Variants in DNAH1 observed in about 807,000 individuals in gnomAD.
DNAH1 encodes the protein axonemal beta dynein heavy chain 1.
In DNAH1, 327 loss-of-function variants were observed where a neutral mutation model predicts 484.3. The ratio of observed to expected loss-of-function variants is 0.68; its 90% CI spans 0.62 to 0.74. DNAH1 has a LOEUF of 0.74. Among genes scored for constraint, DNAH1 ranks in the 30% least tolerant of loss-of-function variants. DNAH1 has a pLI of 0.00. For synonymous variants in DNAH1, 2,192 were observed against 2,191.9 expected (o/e 1.00, Z 0.00); for missense variants, 5,052 against 5,546.8 (o/e 0.91, Z 2.83).
chr3:52,326,292 C>T lies in DNAH1; in HGVS notation c.559C>T (p.Pro187Ser), dbSNP rs1463310882. 1 of 1,609,498 alleles carries T rather than the reference C, an allele frequency of 6.2e-7. No homozygotes were observed. The highest frequency in any genetic ancestry group is 2.2e-5 in the East Asian group (1 of 44,890). The stretch of plus-strand genomic sequence containing the variant: ...TTTCCAGGTGCTGCCAGGCCAGCAT[C>T]CTCGCAAGATTGAGATCGAGAGGTA... ...VPFQVLPGQH[P>S]RKIEIERRKQ... is the part of the protein sequence containing the mutation. Residue 187 changes from proline (P) to serine (S), a missense_variant, in exon 4 of 78, where the codon CCT becomes TCT. Transcript: ENST00000420323.
chr3:52,394,782 TCTC>T (rs1349380287), intron 67 of DNAH1, 121 bp downstream of exon 67: 59 of 1,479,918 alleles, frequency 4.0e-5, no homozygotes, highest in Non-Finnish European at 4.8e-5. Context: ...TGTGGCCACA[TCTC>T]CTCTGTGCCT....
rs777651027 is a variant in DNAH1 at position 52,350,503 on chromosome 3, T to C, written c.2647-5T>C. ...TGAAGTTCTCATTACCACCTGTCTG[T>C]GCAGGAGCGGATTGTGAAGGTCATG... On this transcript the variant is annotated splice_region_variant and splice_polypyrimidine_tract_variant and intron_variant, in intron 15 of 77. Coordinates refer to ENST00000420323, the MANE Select transcript of DNAH1 (RefSeq NM_015512.5). 1.5e-5 allele frequency: 25 copies of C among 1,613,730 alleles called. No individual in the cohort carries two copies. Among genetic ancestry groups the C allele is most frequent in the Non-Finnish European group, 2.1e-5 (25 of 1,179,746 alleles).
chr3:52,345,751 C>A, intron 10 of DNAH1, 45 bp downstream of exon 10: 1 of 1,572,750 alleles, frequency 6.4e-7, no homozygotes, highest in South Asian at 1.2e-5. Flanking sequence ...AGGGCAGACC[C>A]TTGGAACTGG....
At chr3:52,323,737 G>A (rs983702757) in intron 2 of DNAH1, 71 bp from the exon 3 acceptor site, 38 of 1,320,704 alleles carry the variant, frequency 2.9e-5, no homozygotes, top group Non-Finnish European at 3.8e-5. Flanking sequence ...GCCTGGGCTC[G>A]GGGTCCCTCC....
chr3:52,383,575 C>G lies in DNAH1; in HGVS notation c.8131C>G (p.His2711Asp). Residue 2711 changes from histidine (H) to aspartate (D), a missense_variant, in exon 51 of 78, where the codon CAC (histidine) becomes GAC (aspartate). This residue lies in a region of DNAH1 where 2,929 missense variants were observed against 3,409.4 expected (regional missense o/e 0.86). Coordinates refer to ENST00000420323, the MANE Select transcript of DNAH1 (RefSeq NM_015512.5). Reference sequence around the variant, plus strand: ...CACAGGGCGTGTGCGCAGCAACATCCACATGGTGCTGTGCATGAGGTACAG... The same window carrying G: ...CACAGGGCGTGTGCGCAGCAACATCGACATGGTGCTGTGCATGAGGTACAG... ...AYTGRVRSNI[H>D]MVLCMSPIGE... The G allele has an allele frequency of 6.3e-7, 1 of 1,596,190 alleles. No individual in the cohort carries two copies. The highest frequency in any genetic ancestry group is 2.3e-5 in the East Asian group (1 of 43,956).
At chr3:52,325,877 G>A (rs188304484) in intron 3 of DNAH1, among the ~76,000 whole-genome samples, 8 of 152,310 alleles carry the variant, frequency 5.3e-5, no homozygotes, top group Admixed American at 3.9e-4. Flanking sequence ...GTGTGGAAAG[G>A]AGTGGTCAAG....
At chr3:52,357,808 G>A in intron 23 of DNAH1, 73 bp downstream of exon 23, 1 of 1,575,758 alleles carries the variant, frequency 6.3e-7, no homozygotes, top group South Asian at 1.2e-5. Flanking sequence ...GCCCTGCTCA[G>A]GCTAGGGTGC....
Position 52,364,966 on chromosome 3 carries a change from T to A in DNAH1, c.5465T>A (p.Leu1822Gln). ...GAGGAGGACACGGACTACGGCATCC[T>A]GGATGAGGCCATCCGCGAGGCCTGC... ...IKEEDTDYGI[L>Q]DEAIREACRN... Residue 1822 changes from leucine to glutamine, a missense_variant, in exon 34 of 78, where the codon CTG becomes CAG. Physicochemically the swap from Leu to Gln is moderately radical, Grantham distance 113. This residue lies in a region of DNAH1 where 2,929 missense variants were observed against 3,409.4 expected (regional missense o/e 0.86). Coordinates refer to ENST00000420323, the MANE Select transcript of DNAH1 (RefSeq NM_015512.5). The surrounding 1 kb of genome is among the most constrained non-coding windows in gnomAD (Gnocchi z 4.2). 3 of 1,613,860 alleles carry A rather than the reference T, an allele frequency of 1.9e-6. No individual in the cohort carries two copies. The highest frequency in any genetic ancestry group is 1.1e-5 in the South Asian group (1 of 91,084).
chr3:52,326,295 C>G lies in DNAH1; in HGVS notation c.562C>G (p.Arg188Gly), dbSNP rs368210345. Reference sequence around the variant, plus strand: ...CCAGGTGCTGCCAGGCCAGCATCCTCGCAAGATTGAGATCGAGAGGTACGG... The same window carrying G: ...CCAGGTGCTGCCAGGCCAGCATCCTGGCAAGATTGAGATCGAGAGGTACGG... ...PFQVLPGQHP[R>G]KIEIERRKQQ... The change falls in exon 4 of 78, where the codon CGC becomes GGC. Residue 188 changes from arginine to glycine, a missense_variant. Transcript: ENST00000420323. The G allele has an allele frequency of 8.1e-6, 13 of 1,608,830 alleles. No homozygotes were observed. The highest frequency in any genetic ancestry group is 1.1e-5 in the Non-Finnish European group (13 of 1,179,752).
intron 51 of DNAH1, 108 bp downstream of exon 51, chr3:52,383,702 C>A: frequency 7.1e-7 from 1 of 1,409,046 alleles, no homozygotes. Flanking sequence ...GATGAGGAGA[C>A]GCGGCCCTGG....
chr3:52,353,023 C>A lies in DNAH1; in HGVS notation c.3028-80C>A. The A allele has an allele frequency of 1.4e-6, 2 of 1,402,322 alleles. No homozygotes were observed. Among genetic ancestry groups the A allele is most frequent in the Non-Finnish European group, 1.9e-6 (2 of 1,031,156 alleles). 86.9% of individuals were successfully genotyped at this position (1,402,322 alleles called of 1,614,324 possible). On this transcript the variant is annotated intron_variant, in intron 18 of 77. Coordinates refer to ENST00000420323, the MANE Select transcript of DNAH1 (RefSeq NM_015512.5). This position sits in a 1 kb window ranked among gnomAD's most constrained non-coding sequence, Gnocchi z 5.0. ...CAGGAGCAAGGGAGAGGGAGAGGAC[C>A]TGGCCCAAGAAGGGGCAACATGGAG...
intron 43 of DNAH1, 150 bp from the exon 44 acceptor site, chr3:52,372,746 G>T (rs1203345570): frequency 1.9e-6 from 2 of 1,053,532 alleles, no homozygotes; most frequent in Admixed American, 5.5e-5. Flanking sequence ...CTCAGAACAA[G>T]GATGAGGGTG....
intron 8 of DNAH1, among the ~76,000 whole-genome samples, chr3:52,335,097 T>TA (rs1443584704): frequency 1.3e-5 from 2 of 149,020 alleles, no homozygotes; most frequent in African/African-American, 2.5e-5. Context: ...ATAAGCTTTT[T>TA]AAAAAAATGT....
At chr3:52,397,331 C>T (rs1229127229) in intron 73 of DNAH1, among the ~76,000 whole-genome samples, 1 of 152,212 alleles carries the variant, frequency 6.6e-6, no homozygotes, top group African/African-American at 2.4e-5. Context: ...CAGGCCCAGA[C>T]TCCACAGTCA....
At position 52,359,326 on chromosome 3, in the gene DNAH1, G is replaced by A; in HGVS notation, c.4347G>A (p.Val1449=). The change falls in exon 26 of 78, where the codon GTG becomes GTA. Residue 1449 remains valine (V), a synonymous_variant. Transcript: ENST00000420323. ...AGCQTYWTME[V]AEALEAGNLR... is the part of the protein sequence containing the mutation. ...GCCAGACCTACTGGACCATGGAGGTGGCAGAGGCTCTGGAGGCCGGCAACC... is the reference window on the plus strand; with the variant it reads ...GCCAGACCTACTGGACCATGGAGGTAGCAGAGGCTCTGGAGGCCGGCAACC... 4.5e-6 allele frequency: 7 copies of A among 1,569,908 alleles called. No individual in the cohort carries two copies. The highest frequency in any genetic ancestry group is 1.2e-5 in the South Asian group (1 of 85,364).
chr3:52,321,991 G>A (rs976672443), intron 1 of DNAH1, among the ~76,000 whole-genome samples: 9 of 152,148 alleles, frequency 5.9e-5, no homozygotes, highest in Admixed American at 5.2e-4. Flanking sequence ...GGCTGCTACT[G>A]GCTGAAAGTC....
intron 44 of DNAH1, chr3:52,373,528 C>G: frequency 6.8e-7 from 1 of 1,464,340 alleles, no homozygotes; most frequent in Non-Finnish European, 9.4e-7. Flanking sequence ...GCTGTCCCGT[C>G]TACAGTGTCT....
At position 52,326,740 on chromosome 3, in the gene DNAH1, A is replaced by G. The variant is rs1701359001; in HGVS notation, c.587A>G (p.Lys196Arg). 6.2e-7 allele frequency: 1 copy of G among 1,610,038 alleles called. No homozygotes were observed. The highest frequency in any genetic ancestry group is 2.2e-5 in the East Asian group (1 of 44,718). ...HPRKIEIERR[K>R]QQYLSLDIEQ... The stretch of plus-strand genomic sequence containing the variant: ...CCCTCCCTGCCCTTGACCAGGAGGA[A>G]ACAGCAGTACCTGAGCCTGGACATT... The change falls in exon 5 of 78, where the codon AAA (lysine) becomes AGA (arginine). Residue 196 changes from lysine to arginine, a missense_variant. Coordinates refer to ENST00000420323, the MANE Select transcript of DNAH1 (RefSeq NM_015512.5).
intron 2 of DNAH1, 139 bp from the exon 3 acceptor site, chr3:52,323,669 A>C (rs985946316): frequency 9.9e-6 from 6 of 607,564 alleles, no homozygotes; most frequent in Non-Finnish European, 1.8e-5. Flanking sequence ...GTGCATACTC[A>C]CTGGTTCTGC....
Sources: allele counts gnomAD v4.1 joint callset (sites outside exome capture counted in the v4.1 genomes callset), GRCh38; gene constraint gnomAD v4.1.1; regional missense constraint gnomAD v4.1.1; non-coding constraint Gnocchi (gnomAD v3.1); transcripts MANE v1.5; gene names NCBI Gene and HGNC (gene_info 2026-07-23, HGNC 2026-07-21).